EPHA6: variants seen among roughly 807,000 people sequenced by gnomAD.
EPHA6 encodes ephrin type-A receptor 6.
Under a neutral mutation model 112.0 loss-of-function variants are expected in EPHA6, and 50 were observed. The ratio of observed to expected loss-of-function variants is 0.45; its 90% confidence interval spans 0.36 to 0.56. The LOEUF (loss-of-function observed/expected upper bound fraction) is 0.56, where lower values mean the gene tolerates loss of function less well. Ranked by LOEUF, EPHA6 falls within the 20% of genes least tolerant of loss-of-function variation. The pLI is 0.00. For synonymous variants in EPHA6, 529 were observed against 490.7 expected (o/e 1.08, Z -1.03); for missense variants, 1,280 against 1,417.4 (o/e 0.90, Z 1.56).
intron 2 of EPHA6, among the ~76,000 whole-genome samples, chr3:96,968,080 A>G (rs971941962): frequency 5.9e-5 from 9 of 151,536 alleles, no homozygotes; most frequent in African/African-American, 2.2e-4. Flanking sequence ...GTAGTTTACA[A>G]TGTAGTTTTT....
At chr3:97,150,513 A>T (rs2076146757) in intron 3 of EPHA6, among the ~76,000 whole-genome samples, 1 of 151,984 alleles carries the variant, frequency 6.6e-6, no homozygotes, top group South Asian at 2.1e-4. Context: ...CTGCAAGCTC[A>T]GGGTTCCGCC....
At chr3:97,608,425 A>G (rs111704542) in intron 12 of EPHA6, among the ~76,000 whole-genome samples, 5 of 151,462 alleles carry the variant, frequency 3.3e-5, no homozygotes, top group African/African-American at 1.2e-4. Flanking sequence ...AGCACCTACT[A>G]TGATTAGCTC....
intron 3 of EPHA6, among the ~76,000 whole-genome samples, chr3:97,025,006 G>T (rs1433298872): frequency 6.6e-6 from 1 of 152,174 alleles, no homozygotes; most frequent in Non-Finnish European, 1.5e-5. Flanking sequence ...GTAATGTAAA[G>T]AGGGGGCAAT....
intron 5 of EPHA6, among the ~76,000 whole-genome samples, chr3:97,367,572 A>ATT (rs554016364): frequency 3.4e-5 from 5 of 147,798 alleles, no homozygotes; most frequent in African/African-American, 1.2e-4. Context: ...GTTTTTATTT[A>ATT]TTTTTTTTTT....
At chr3:97,615,863 A>G (rs544973094) in intron 13 of EPHA6, among the ~76,000 whole-genome samples, 3 of 152,078 alleles carry the variant, frequency 2.0e-5, no homozygotes, top group African/African-American at 7.2e-5. Context: ...GTGGGCTGCC[A>G]TCTTTGCTGT....
At chr3:97,735,073 A>G (rs1040388952) in intron 15 of EPHA6, among the ~76,000 whole-genome samples, 11 of 152,176 alleles carry the variant, frequency 7.2e-5, no homozygotes, top group African/African-American at 2.2e-4. Flanking sequence ...TCCATAGAGT[A>G]GCCATTAGAC....
At chr3:97,235,787 T>C (rs770322715) in intron 4 of EPHA6, among the ~76,000 whole-genome samples, 9 of 152,110 alleles carry the variant, frequency 5.9e-5, no homozygotes, top group Non-Finnish European at 1.2e-4. Flanking sequence ...TAACCAACTT[T>C]AACTTTACCA....
intron 3 of EPHA6, among the ~76,000 whole-genome samples, chr3:97,083,773 T>C (rs184416115): frequency 6.6e-6 from 1 of 151,756 alleles, no homozygotes; most frequent in East Asian, 1.9e-4. Flanking sequence ...TTTGCAGGCA[T>C]ATATACACAA....
At chr3:97,290,378 T>C (rs1291056885) in intron 5 of EPHA6, among the ~76,000 whole-genome samples, 1 of 152,090 alleles carries the variant, frequency 6.6e-6, no homozygotes, top group Non-Finnish European at 1.5e-5. Context: ...TCTTGGAGTG[T>C]GTTCCATGTG....
intron 14 of EPHA6, among the ~76,000 whole-genome samples, chr3:97,695,261 C>G (rs1417865628): frequency 6.6e-6 from 1 of 152,090 alleles, no homozygotes; most frequent in Admixed American, 6.5e-5. Flanking sequence ...ATTCCAGTGC[C>G]AGAACTCATG....
intron 10 of EPHA6, among the ~76,000 whole-genome samples, chr3:97,520,130 G>C (rs2092516511): frequency 6.6e-6 from 1 of 152,096 alleles, no homozygotes; most frequent in South Asian, 2.1e-4. Context: ...ACCACGCCCA[G>C]CTAATGTTGT....
At chr3:97,646,617 T>C (rs1344125815) in intron 14 of EPHA6, among the ~76,000 whole-genome samples, 1 of 152,074 alleles carries the variant, frequency 6.6e-6, no homozygotes, top group Admixed American at 6.6e-5. Flanking sequence ...TCCCATTCCA[T>C]GAGGAAAACA....
At chr3:97,695,275 G>C (rs1052869339) in intron 14 of EPHA6, among the ~76,000 whole-genome samples, 1 of 152,132 alleles carries the variant, frequency 6.6e-6, no homozygotes, top group Non-Finnish European at 1.5e-5. Flanking sequence ...ACTCATGTAT[G>C]GTGGTATATT....
chr3:97,605,267 T>C (rs987670552), intron 12 of EPHA6, among the ~76,000 whole-genome samples: 7 of 151,604 alleles, frequency 4.6e-5, no homozygotes, highest in Middle Eastern at 3.4e-3. Flanking sequence ...AGTAAAGTAA[T>C]ATTCAGGAAA....
intron 5 of EPHA6, among the ~76,000 whole-genome samples, chr3:97,249,654 T>A (rs913819509): frequency 1.3e-5 from 2 of 152,156 alleles, no homozygotes; most frequent in Non-Finnish European, 2.9e-5. Flanking sequence ...AATAATCATA[T>A]TTTTTAATAA....
intron 14 of EPHA6, among the ~76,000 whole-genome samples, chr3:97,669,339 G>A (rs34022277): frequency 0.04 from 5,926 of 147,590 alleles, 157 homozygotes; most frequent in Non-Finnish European, 0.06. Context: ...TTTTTTCATT[G>A]TGTAGATCAG....
intron 6 of EPHA6, among the ~76,000 whole-genome samples, chr3:97,420,505 A>T (rs1245042750): frequency 1.3e-5 from 2 of 152,116 alleles, no homozygotes; most frequent in Non-Finnish European, 2.9e-5. Context: ...AAAAGGAAAT[A>T]GAAAACTTGC....
At chr3:97,192,178 C>T (rs950965094) in intron 3 of EPHA6, among the ~76,000 whole-genome samples, 1 of 151,780 alleles carries the variant, frequency 6.6e-6, no homozygotes, top group Admixed American at 6.6e-5. Flanking sequence ...GCTATGTTGC[C>T]CAGGCTGGAG....
chr3:97,586,704 T>TGATG (rs935663091), intron 11 of EPHA6, among the ~76,000 whole-genome samples: 17 of 147,048 alleles, frequency 1.2e-4, no homozygotes, highest in East Asian at 2.0e-4. Flanking sequence ...GATGGATAGA[T>TGATG]GATGGATGGA....
Sources: allele counts gnomAD v4.1 joint callset (sites outside exome capture counted in the v4.1 genomes callset), GRCh38; gene constraint gnomAD v4.1.1; transcripts MANE v1.5; gene names NCBI Gene and HGNC (gene_info 2026-07-23, HGNC 2026-07-21).